PLXNA4: variants seen among roughly 807,000 people sequenced by gnomAD.
The protein encoded by PLXNA4 is plexin A4.
PLXNA4 carries 44 observed loss-of-function variants against 191.8 expected under a neutral mutation model. That is an observed-to-expected ratio of 0.23 (90% CI 0.18 to 0.29). PLXNA4 has a LOEUF of 0.29. PLXNA4 is among the 10% of genes least tolerant of loss of function. The pLI is 1.00. For missense variants in PLXNA4, 1,800 were observed against 2,488.8 expected, an observed-to-expected ratio of 0.72 and a Z score of 5.89; for synonymous variants, 1,082 against 1,009.5, an observed-to-expected ratio of 1.07 and a Z score of -1.36.
rs369031848 is a variant in PLXNA4, at chr7:132,164,099, C to A, written c.4500+43G>T. 2.2e-5 allele frequency: 35 copies of A among 1,610,598 alleles called. No homozygotes were observed. The South Asian group carries it at 3.7e-4, about 17-fold the overall frequency. On this transcript the variant is annotated intron_variant, in intron 24 of 31. Coordinates refer to ENST00000321063, the MANE Select transcript of PLXNA4 (RefSeq NM_020911.2). ...TGAGCAGGGCTACCCAGGATGGAAG[C>A]CCGCCTGTCAAAGCCCCAGGGGAAA...
intron 2 of PLXNA4, among the ~76,000 whole-genome samples, chr7:132,495,053 C>T (rs753668261): frequency 2.0e-5 from 3 of 152,198 alleles, no homozygotes; most frequent in Non-Finnish European, 4.4e-5. Flanking sequence ...CCAACTATCA[C>T]CCACTCTGAC....
At chr7:132,332,452 A>G (rs1445029065) in intron 3 of PLXNA4, among the ~76,000 whole-genome samples, 1 of 152,156 alleles carries the variant, frequency 6.6e-6, no homozygotes, top group African/African-American at 2.4e-5. Context: ...GGTGCGAGCT[A>G]GGGAAGCCAG....
At chr7:132,383,781 C>T in intron 3 of PLXNA4, 2 of 985,218 alleles carry the variant, frequency 2.0e-6, no homozygotes, top group Non-Finnish European at 1.2e-6. Context: ...AAATTGTCAC[C>T]AGTTCAAAGG....
chr7:132,476,389 C>T (rs1797130318), intron 3 of PLXNA4, among the ~76,000 whole-genome samples: 1 of 152,144 alleles, frequency 6.6e-6, no homozygotes, highest in Admixed American at 6.5e-5. Context: ...GAGTTTAAGA[C>T]ATGTTGGCCA....
intron 3 of PLXNA4, among the ~76,000 whole-genome samples, chr7:132,323,992 C>T (rs890963245): frequency 1.3e-5 from 2 of 152,104 alleles, no homozygotes; most frequent in Admixed American, 6.5e-5. Flanking sequence ...TGGTCCTGGA[C>T]CATACCGAGC....
intron 3 of PLXNA4, among the ~76,000 whole-genome samples, chr7:132,442,670 G>A (rs1269178548): frequency 6.6e-6 from 1 of 152,168 alleles, no homozygotes; most frequent in East Asian, 1.9e-4. Context: ...CTGTGCCCAG[G>A]CCCTGGGCTA....
intron 25 of PLXNA4, among the ~76,000 whole-genome samples, chr7:132,150,099 C>T (rs2598202): frequency 0.26 from 40,072 of 152,110 alleles, 12,340 homozygotes; most frequent in African/African-American, 0.75. Flanking sequence ...CATGCTTGTT[C>T]ACTGGAGCAA....
At chr7:132,489,259 AC>A in intron 3 of PLXNA4, 32 bp downstream of exon 3, 1 of 1,554,282 alleles carries the variant, frequency 6.4e-7, no homozygotes, top group African/African-American at 1.3e-5. Context: ...GACTGTCTTC[AC>A]AGTAACCAAA....
chr7:132,390,130 T>C (rs1805338986), intron 3 of PLXNA4, among the ~76,000 whole-genome samples: 1 of 152,178 alleles, frequency 6.6e-6, no homozygotes, highest in Admixed American at 6.5e-5. Context: ...ATGTTTACTG[T>C]GGCACTGTCC....
intron 13 of PLXNA4, among the ~76,000 whole-genome samples, chr7:132,196,345 T>A (rs1797254239): frequency 1.3e-5 from 2 of 152,232 alleles, no homozygotes; most frequent in African/African-American, 4.8e-5. Context: ...GTCTTGCTTT[T>A]CTTTTACAAA....
chr7:132,369,904 T>C (rs1320211553), intron 3 of PLXNA4, among the ~76,000 whole-genome samples: 3 of 151,346 alleles, frequency 2.0e-5, no homozygotes, highest in Non-Finnish European at 4.4e-5. Context: ...CCTTCTCTAC[T>C]AAAAATACAA....
intron 2 of PLXNA4, among the ~76,000 whole-genome samples, chr7:132,594,984 G>GATA (rs1802678253): frequency 2.9e-5 from 1 of 34,470 alleles, no homozygotes; most frequent in African/African-American, 7.5e-5. Flanking sequence ...ATAATAGATA[G>GATA]ATAGATAGAT....
intron 25 of PLXNA4, among the ~76,000 whole-genome samples, chr7:132,152,083 T>C (rs1317475867): frequency 6.6e-6 from 1 of 152,190 alleles, no homozygotes; most frequent in Non-Finnish European, 1.5e-5. Flanking sequence ...ATAGTGGGCA[T>C]GGGCTCAGCT....
At chr7:132,623,780 G>A (rs1803319755) in intron 2 of PLXNA4, among the ~76,000 whole-genome samples, 1 of 152,190 alleles carries the variant, frequency 6.6e-6, no homozygotes, top group Non-Finnish European at 1.5e-5. Flanking sequence ...CTAGCAGGAA[G>A]CAACCCCCAG....
At chr7:132,420,147 G>A (rs1445240314) in intron 3 of PLXNA4, among the ~76,000 whole-genome samples, 1 of 152,190 alleles carries the variant, frequency 6.6e-6, no homozygotes, top group African/African-American at 2.4e-5. Flanking sequence ...CTGCCCACGA[G>A]TCAAGGTCAA....
At chr7:132,602,804 G>A (rs968258784) in intron 2 of PLXNA4, among the ~76,000 whole-genome samples, 38 of 152,178 alleles carry the variant, frequency 2.5e-4, no homozygotes, top group African/African-American at 7.2e-5. Context: ...TGAGAAGGTC[G>A]TCAGACTCTC....
At chr7:132,523,756 G>A (rs1056611531) in intron 1 of PLXNA4, among the ~76,000 whole-genome samples, 5 of 152,078 alleles carry the variant, frequency 3.3e-5, no homozygotes, top group Non-Finnish European at 7.4e-5. Flanking sequence ...CTCCAGCAGG[G>A]GTTGCTGGTG....
At chr7:132,502,623 C>T (rs1473877974) in intron 2 of PLXNA4, among the ~76,000 whole-genome samples, 1 of 152,184 alleles carries the variant, frequency 6.6e-6, no homozygotes, top group Admixed American at 6.5e-5. Flanking sequence ...ACACTGCTAG[C>T]ACACTCTTGT....
At chr7:132,206,333 T>A (rs1797614978) in intron 10 of PLXNA4, among the ~76,000 whole-genome samples, 2 of 152,046 alleles carry the variant, frequency 1.3e-5, no homozygotes, top group Admixed American at 1.3e-4. Context: ...TTGCCTATGT[T>A]TATGTTTGTG....
Sources: allele counts gnomAD v4.1 joint callset (sites outside exome capture counted in the v4.1 genomes callset), GRCh38; gene constraint gnomAD v4.1.1; transcripts MANE v1.5; gene names NCBI Gene and HGNC (gene_info 2026-07-23, HGNC 2026-07-21).